GPX7: variants seen among roughly 807,000 people sequenced by gnomAD.
GPX7 encodes glutathione peroxidase 7, also known as protein peroxidase GPX7.
Under a neutral mutation model 23.7 loss-of-function variants are expected in GPX7, and 21 were observed. The observed-to-expected ratio is 0.89, with a 90% CI of 0.63 to 1.28. The LOEUF (loss-of-function observed/expected upper bound fraction) is 1.28. GPX7 is among the 50% of genes most tolerant of loss of function. The probability of loss-of-function intolerance (pLI) is 0.00; values close to 1 mark genes in which losing one functional copy is unlikely to be tolerated. For synonymous variants in GPX7, 112 were observed against 101.8 expected (o/e 1.10, Z -0.61); for missense variants, 238 against 237.3 (o/e 1.00, Z -0.02).
chr1:52,606,421 G>A (rs1690852325), intron 1 of GPX7, among the ~76,000 whole-genome samples: 1 of 152,150 alleles, frequency 6.6e-6, no homozygotes, highest in Non-Finnish European at 1.5e-5. Context: ...GTATACTTAT[G>A]TTCACAGATG....
At chr1:52,608,218 G>T (rs192844078) in intron 2 of GPX7, 44 bp from the exon 3 acceptor site, 7 of 1,549,730 alleles carry the variant, frequency 4.5e-6, no homozygotes, top group East Asian at 2.3e-5. Context: ...CCCAGGAGAG[G>T]GTACGCAGGG....
At chr1:52,603,286 G>A (rs1690821588) in intron 1 of GPX7, among the ~76,000 whole-genome samples, 1 of 149,572 alleles carries the variant, frequency 6.7e-6, no homozygotes, top group African/African-American at 2.4e-5. Flanking sequence ...GGAGAGGAAG[G>A]GTATCTGGGT....
In GPX7 at chr1:52,606,278, CT is replaced by C. The variant is rs1158810343; in HGVS notation, c.139-405del. Among the ~76,000 whole-genome samples, 4 of 152,184 alleles carry C rather than the reference CT, an allele frequency of 2.6e-5. No homozygotes were observed. In the East Asian group the frequency reaches 7.7e-4, roughly 29 times the overall value. The stretch of plus-strand genomic sequence containing the variant: ...GAGCCCAGGTCTCCCTTTGTACCCC[CT>C]CTTATCAGTTCTCAGTATGTGCTCA... On this transcript the variant is annotated intron_variant, in intron 1 of 2. Transcript: ENST00000361314.
chr1:52,607,289 T>G (rs36040857), intron 2 of GPX7: 1 of 277,396 alleles, frequency 3.6e-6, no homozygotes, highest in African/African-American at 2.1e-5. Flanking sequence ...TATGGACATA[T>G]GATGGAGAAA....
In GPX7 at chr1:52,608,048, G is replaced by A. The variant is rs578077864; in HGVS notation, c.401-214G>A. On this transcript the variant is annotated intron_variant, in intron 2 of 2. Transcript: ENST00000361314. ...CACGTCACAGAATCCTACAGCAGTC[G>A]TTCTCAACCTCGGCCCCACTTTGGA... Among the ~76,000 whole-genome samples, 235 of 152,240 alleles carry A rather than the reference G, an allele frequency of 1.5e-3. 1 individual carries two copies. Among genetic ancestry groups the A allele is most frequent in the Non-Finnish European group, 2.9e-3 (196 of 68,028 alleles).
chr1:52,606,215 T>C (rs1196847974), intron 1 of GPX7, among the ~76,000 whole-genome samples: 1 of 152,164 alleles, frequency 6.6e-6, no homozygotes, highest in African/African-American at 2.4e-5. Context: ...ACTGACACAG[T>C]GCAGAGTGGC....
rs1690856414 is a variant in GPX7, at chr1:52,606,707, C to T, written c.162C>T (p.Ala54=). Residue 54 remains alanine (A), a synonymous_variant, in exon 2 of 3, where the codon GCC becomes GCT. Coordinates refer to ENST00000361314, the MANE Select transcript of GPX7 (RefSeq NM_015696.5). ...AGGTGTCCCTGGTGGTGAATGTGGC[C>T]AGCGAGTGCGGCTTCACAGACCAGC... ...RGSVSLVVNV[A]SECGFTDQHY... is the part of the protein sequence containing the mutation. The T allele has an allele frequency of 4.3e-6, 7 of 1,613,846 alleles. No individual in the cohort carries two copies. The highest frequency in any genetic ancestry group is 5.9e-6 in the Non-Finnish European group (7 of 1,180,010).
At chr1:52,603,643 A>C (rs531515498) in intron 1 of GPX7, among the ~76,000 whole-genome samples, 1 of 152,304 alleles carries the variant, frequency 6.6e-6, no homozygotes, top group African/African-American at 2.4e-5. Context: ...ATAGATGTCA[A>C]CATTTTTCTC....
intron 1 of GPX7, 67 bp downstream of exon 1, chr1:52,602,614 C>T (rs1309238309): frequency 1.9e-6 from 2 of 1,030,796 alleles, no homozygotes; most frequent in East Asian, 3.5e-5. Context: ...GCTGGGGACG[C>T]CCCGCAGCCC....
intron 1 of GPX7, among the ~76,000 whole-genome samples, chr1:52,605,228 C>A (rs969959451): frequency 6.6e-6 from 1 of 151,964 alleles, no homozygotes; most frequent in African/African-American, 2.4e-5. Flanking sequence ...GCCAGTGGCC[C>A]CAGGCATGGG....
chr1:52,606,544 G>A (rs191447962), intron 1 of GPX7, 140 bp from the exon 2 acceptor site: 6 of 865,790 alleles, frequency 6.9e-6, no homozygotes, highest in Non-Finnish European at 1.1e-5. Flanking sequence ...ATTTACATAT[G>A]TGTACACAGT....
At chr1:52,605,301 C>T (rs1423063950) in intron 1 of GPX7, among the ~76,000 whole-genome samples, 1 of 151,976 alleles carries the variant, frequency 6.6e-6, no homozygotes, top group Non-Finnish European at 1.5e-5. Context: ...ATCATCTAGC[C>T]CAGTAGTTCT....
chr1:52,607,003 C>T (rs372291801), intron 2 of GPX7, 58 bp downstream of exon 2: 2 of 1,573,250 alleles, frequency 1.3e-6, no homozygotes, highest in South Asian at 1.2e-5. Flanking sequence ...GGCCATGGCT[C>T]CCTGGGCAGC....
chr1:52,602,648 G>C (rs1690812484), intron 1 of GPX7, 101 bp downstream of exon 1: 1 of 553,934 alleles, frequency 1.8e-6, no homozygotes, highest in African/African-American at 2.1e-5. Flanking sequence ...GTGTGGCTCC[G>C]AGGACGCTCC....
rs769746243 is a variant in GPX7, at chr1:52,606,799, C to T, written c.254C>T (p.Pro85Leu). Residue 85 changes from proline (P) to leucine (L), a missense_variant, in exon 2 of 3, where the codon CCC becomes CTC. Coordinates refer to ENST00000361314, the MANE Select transcript of GPX7 (RefSeq NM_015696.5). Reference sequence around the variant, plus strand: ...CACCACTTTAACGTGCTCGCCTTCCCCTGCAACCAGTTTGGCCAACAGGAG... The same window carrying T: ...CACCACTTTAACGTGCTCGCCTTCCTCTGCAACCAGTTTGGCCAACAGGAG... ...GPHHFNVLAF[P>L]CNQFGQQEPD... The T allele has an allele frequency of 2.0e-5, 32 of 1,614,192 alleles. No individual in the cohort carries two copies. In the South Asian group the frequency reaches 3.4e-4, roughly 17 times the overall value.
chr1:52,602,396 C>A lies in GPX7; in HGVS notation c.-14C>A. The A allele has an allele frequency of 4.7e-6, 7 of 1,483,864 alleles. No homozygotes were observed. The highest frequency in any genetic ancestry group is 5.4e-6 in the Non-Finnish European group (6 of 1,118,490). 91.9% of individuals were successfully genotyped at this position (1,483,864 alleles called of 1,614,324 possible). A position where few individuals can be genotyped will look rare whatever the true frequency, so the allele number is the denominator to read the frequency against. On this transcript the variant is annotated 5_prime_UTR_variant, in exon 1 of 3. Transcript: ENST00000361314. ...GTCTTTGCCCTCGCGACGCCGCCAC[C>A]TCCGGAACAAGCCATGGTGGCGGCG...
chr1:52,604,480 G>T (rs764632040), intron 1 of GPX7, among the ~76,000 whole-genome samples: 1 of 152,226 alleles, frequency 6.6e-6, no homozygotes, highest in Non-Finnish European at 1.5e-5. Flanking sequence ...TAGTCATTTA[G>T]ACCAGTATGG....
At chr1:52,608,161 A>G in intron 2 of GPX7, 101 bp from the exon 3 acceptor site, 1 of 1,099,936 alleles carries the variant, frequency 9.1e-7, no homozygotes, top group South Asian at 1.5e-5. Flanking sequence ...TGGACTGGGC[A>G]TCAGGATTAG....
chr1:52,608,151 T>C, intron 2 of GPX7, 111 bp from the exon 3 acceptor site: 3 of 962,930 alleles, frequency 3.1e-6, no homozygotes, highest in Non-Finnish European at 3.1e-6. Flanking sequence ...GTCTGGGGTG[T>C]GGACTGGGCA....
Sources: allele counts gnomAD v4.1 joint callset (sites outside exome capture counted in the v4.1 genomes callset), GRCh38; gene constraint gnomAD v4.1.1; transcripts MANE v1.5; gene names NCBI Gene and HGNC (gene_info 2026-07-23, HGNC 2026-07-21).